The following COL4A1 variants were observed in gnomAD, a reference collection of about 807,000 sequenced individuals.
COL4A1 encodes the protein collagen alpha-1(IV) chain.
Under a neutral mutation model 216.6 loss-of-function variants are expected in COL4A1, and 40 were observed. That is an observed-to-expected ratio of 0.18 (90% CI 0.14 to 0.24). The LOEUF is 0.24. COL4A1 is among the 10% of genes least tolerant of loss of function. The pLI, the probability that COL4A1 is intolerant of heterozygous loss-of-function variation, is 1.00. For missense variants in COL4A1, 1,628 were observed against 2,196.8 expected, an observed-to-expected ratio of 0.74 and a Z score of 5.18; for synonymous variants, 839 against 810.7, an observed-to-expected ratio of 1.03 and a Z score of -0.59.
At chr13:110,286,500 A>T (rs1364850663) in intron 1 of COL4A1, among the ~76,000 whole-genome samples, 1 of 152,178 alleles carries the variant, frequency 6.6e-6, no homozygotes, top group Non-Finnish European at 1.5e-5. Flanking sequence ...CATGCCAAGA[A>T]ATCCATTCCT....
rs929966407 is a variant in COL4A1 at position 110,150,193 on chromosome 13, A to C, written c.*170T>G. On this transcript the variant is annotated 3_prime_UTR_variant, in exon 52 of 52. Transcript: ENST00000375820. ...ATCGCTGTCTTTTTCTCCTTCAGCA[A>C]GTAGAGGTCAATGAAGCAGGGTGTG... is the stretch of plus-strand genomic sequence containing the variant. The C allele has an allele frequency of 3.3e-5, 23 of 695,394 alleles. No individual in the cohort carries two copies. The highest frequency in any genetic ancestry group is 5.2e-5 in the Non-Finnish European group (20 of 384,710). The allele number at this position is 695,394 out of a possible 1,614,324, so 43.1% of individuals were successfully genotyped here.
At position 110,179,397 on chromosome 13, in the gene COL4A1, C is replaced by T; in HGVS notation, c.2218G>A (p.Gly740Arg). Reference sequence around the variant, plus strand: ...GGAAGACCTGGCAAACCTTTGAGTCCCGGTAGACCAACTCCAGGCTCTCCC... The same window carrying T: ...GGAAGACCTGGCAAACCTTTGAGTCTCGGTAGACCAACTCCAGGCTCTCCC... ...QKGEPGVGLP[G>R]LKGLPGLPGI... The change falls in exon 30 of 52, where the codon GGA becomes AGA. Residue 740 changes from glycine (G) to arginine (R), a missense_variant. Physicochemically the swap from Gly to Arg is moderately radical, Grantham distance 125. Transcript: ENST00000375820. 1 of 1,614,084 alleles carries T rather than the reference C, an allele frequency of 6.2e-7. No individual in the cohort carries two copies. Among genetic ancestry groups the T allele is most frequent in the Non-Finnish European group, 8.5e-7 (1 of 1,180,028 alleles).
intron 22 of COL4A1, among the ~76,000 whole-genome samples, chr13:110,194,002 A>G (rs532751354): frequency 6.6e-6 from 1 of 152,254 alleles, no homozygotes; most frequent in Non-Finnish European, 1.5e-5. Flanking sequence ...TTCTCCTAGG[A>G]TCTGGGGGAT....
chr13:110,200,371 G>C (rs1879130356), intron 20 of COL4A1, among the ~76,000 whole-genome samples: 1 of 152,244 alleles, frequency 6.6e-6, no homozygotes, highest in Admixed American at 6.5e-5. Context: ...CCGGGGTCCA[G>C]GGAGGCAAGG....
At chr13:110,195,511 A>G (rs1470514740) in intron 21 of COL4A1, among the ~76,000 whole-genome samples, 1 of 152,226 alleles carries the variant, frequency 6.6e-6, no homozygotes, top group Non-Finnish European at 1.5e-5. Context: ...GTCAAAGCTG[A>G]GACTAGAAAA....
chr13:110,173,770 A>T, intron 40 of COL4A1, 130 bp downstream of exon 40: 5 of 991,588 alleles, frequency 5.0e-6, no homozygotes, highest in Non-Finnish European at 4.7e-6. Flanking sequence ...ATCAGTGTTT[A>T]AGTAGTTGCA....
At chr13:110,250,756 C>T (rs1882036632) in intron 1 of COL4A1, among the ~76,000 whole-genome samples, 1 of 152,206 alleles carries the variant, frequency 6.6e-6, no homozygotes, top group African/African-American at 2.4e-5. Flanking sequence ...TGGGGCGAGC[C>T]TTCCCGTGCT....
intron 1 of COL4A1, among the ~76,000 whole-genome samples, chr13:110,303,907 A>G (rs1434188522): frequency 6.6e-6 from 1 of 152,244 alleles, no homozygotes; most frequent in Non-Finnish European, 1.5e-5. Flanking sequence ...CGTGTGAGGA[A>G]GGGACAGACC....
intron 2 of COL4A1, among the ~76,000 whole-genome samples, chr13:110,220,673 C>T (rs1880432678): frequency 6.7e-6 from 1 of 150,320 alleles, no homozygotes; most frequent in African/African-American, 2.4e-5. Flanking sequence ...CATGGGCCTC[C>T]ACCGTCCTCC....
intron 2 of COL4A1, among the ~76,000 whole-genome samples, chr13:110,235,466 G>C (rs1015049336): frequency 4.7e-4 from 72 of 152,038 alleles, no homozygotes; most frequent in East Asian, 1.5e-3. Context: ...CTGGCTAACA[G>C]GGTGAAACCC....
At chr13:110,233,716 T>C (rs941634597) in intron 2 of COL4A1, among the ~76,000 whole-genome samples, 4 of 152,110 alleles carry the variant, frequency 2.6e-5, no homozygotes, top group African/African-American at 4.8e-5. Flanking sequence ...AACCACAACG[T>C]TGATTAGAAA....
In COL4A1 at chr13:110,198,565, C is replaced by T. The variant is rs138266832; in HGVS notation, c.1187G>A (p.Arg396Gln). 2.9e-5 allele frequency: 46 copies of T among 1,613,988 alleles called. No homozygotes were observed. The African/African-American group carries it at 4.1e-4, about 15-fold the overall frequency. ...FPGERGEKGDRGFPGTSLPGP... is the reference protein window; with the variant it reads ...FPGERGEKGDQGFPGTSLPGP... ...TGGCAGAGATGTACCAGGAAATCCT[C>T]GGTCACCTTTTTCTCCTCTTTCACC... Residue 396 changes from arginine (R) to glutamine (Q), a missense_variant, in exon 21 of 52, where the codon CGA (arginine) becomes CAA (glutamine). By Grantham distance (43) the Arg-to-Gln change is conservative. Transcript: ENST00000375820.
chr13:110,274,803 A>T (rs1385813878), intron 1 of COL4A1, among the ~76,000 whole-genome samples: 1 of 152,224 alleles, frequency 6.6e-6, no homozygotes, highest in Admixed American at 6.5e-5. Flanking sequence ...TGTAGAACAG[A>T]GAACTGATGT....
intron 43 of COL4A1, 140 bp downstream of exon 43, chr13:110,169,489 G>A: frequency 2.3e-6 from 3 of 1,300,630 alleles, no homozygotes; most frequent in Non-Finnish European, 3.1e-6. Context: ...GTGGGGATGT[G>A]GGAGTGTAAC....
chr13:110,169,622 A>G lies in COL4A1; in HGVS notation c.3876+7T>C, dbSNP rs1325047710. 1 of 1,613,858 alleles carries G rather than the reference A, an allele frequency of 6.2e-7. No individual in the cohort carries two copies. The highest frequency in any genetic ancestry group is 2.2e-5 in the East Asian group (1 of 44,868). On this transcript the variant is annotated splice_region_variant and intron_variant, in intron 43 of 51. Transcript: ENST00000375820. The stretch of plus-strand genomic sequence containing the variant: ...TAAAAATAAAAATCTACAAATCAAT[A>G]ACTCACAGGCATGCCCTGGAATCCA...
intron 1 of COL4A1, among the ~76,000 whole-genome samples, chr13:110,290,924 G>A (rs1884058811): frequency 1.3e-5 from 2 of 152,218 alleles, no homozygotes; most frequent in Admixed American, 6.5e-5. Context: ...TCGGCAGGGG[G>A]GTCGCCGTGC....
intron 43 of COL4A1, among the ~76,000 whole-genome samples, chr13:110,167,515 C>T (rs1231452731): frequency 1.3e-5 from 2 of 152,172 alleles, no homozygotes; most frequent in African/African-American, 2.4e-5. Flanking sequence ...CCTGCCCTTG[C>T]CACCTCCAGC....
intron 41 of COL4A1, 38 bp downstream of exon 41, chr13:110,172,682 G>A (rs1429084363): frequency 1.3e-6 from 2 of 1,598,468 alleles, no homozygotes; most frequent in Non-Finnish European, 1.7e-6. Flanking sequence ...GGCAGCAGCG[G>A]TTGGTTGAAA....
At chr13:110,250,642 C>T (rs1882031521) in intron 1 of COL4A1, among the ~76,000 whole-genome samples, 1 of 152,100 alleles carries the variant, frequency 6.6e-6, no homozygotes, top group Non-Finnish European at 1.5e-5. Flanking sequence ...GATTAGTTGC[C>T]ATGGGTCAGT....
Sources: allele counts gnomAD v4.1 joint callset (sites outside exome capture counted in the v4.1 genomes callset), GRCh38; gene constraint gnomAD v4.1.1; transcripts MANE v1.5; gene names NCBI Gene and HGNC (gene_info 2026-07-23, HGNC 2026-07-21).